Variants in PPWD1 observed in about 807,000 individuals in gnomAD.
PPWD1 encodes the protein peptidylprolyl isomerase domain and WD repeat containing 1, also known as peptidylprolyl isomerase domain and WD repeat-containing protein 1.
Under a neutral mutation model 68.8 loss-of-function variants are expected in PPWD1, and 43 were observed. That is an observed-to-expected ratio of 0.62 (90% CI 0.49 to 0.81). The LOEUF (loss-of-function observed/expected upper bound fraction) is 0.81, where lower values mean the gene tolerates loss of function less well. Among genes scored for constraint, PPWD1 ranks in the 30% least tolerant of loss-of-function variants. PPWD1 has a pLI of 0.00. For synonymous variants in PPWD1, 232 were observed against 258.7 expected (o/e 0.90, Z 0.99); for missense variants, 672 against 804.8 (o/e 0.83, Z 2.00).
chr5:65,564,085 C>A, intron 1 of PPWD1: 3 of 524,160 alleles, frequency 5.7e-6, no homozygotes, highest in Middle Eastern at 3.9e-4. Context: ...GCTCTTGATA[C>A]GATGGGCTGA....
intron 7 of PPWD1, chr5:65,582,511 T>G (rs1318142106): frequency 6.5e-6 from 1 of 152,766 alleles, no homozygotes; most frequent in Non-Finnish European, 1.5e-5. Context: ...CCTCTATGTA[T>G]TAGGCACTGT....
At chr5:65,566,033 T>G (rs1174522623) in intron 1 of PPWD1, among the ~76,000 whole-genome samples, 2 of 152,182 alleles carry the variant, frequency 1.3e-5, no homozygotes, top group Non-Finnish European at 2.9e-5. Context: ...GCACTATATC[T>G]CTTCAGGACA....
intron 4 of PPWD1, among the ~76,000 whole-genome samples, chr5:65,570,734 GAGGAAGAAGGAAGGGAGA>G (rs1752973929): frequency 6.6e-6 from 1 of 152,012 alleles, no homozygotes; most frequent in African/African-American, 2.4e-5. Flanking sequence ...CCCATGGTTG[GAGGAAGAAGGAAGGGAGA>G]GGGAAGAAGG....
chr5:65,579,561 A>G lies in PPWD1; in HGVS notation c.1298A>G (p.Gln433Arg). 6.2e-7 allele frequency: 1 copy of G among 1,608,234 alleles called. No homozygotes were observed. The highest frequency in any genetic ancestry group is 2.2e-5 in the East Asian group (1 of 44,490). The change falls in exon 7 of 11, where the codon CAA becomes CGA. Residue 433 changes from glutamine to arginine, a missense_variant. Transcript: ENST00000261308. The part of the protein sequence containing the change: ...ASENPVLQNI[Q>R]ADPTIVCTSF... Reference sequence around the variant, plus strand: ...GAAAATCCTGTTCTTCAGAATATTCAAGCTGACCCAACAATAGTCTGTACA... The same window carrying G: ...GAAAATCCTGTTCTTCAGAATATTCGAGCTGACCCAACAATAGTCTGTACA...
At chr5:65,566,116 C>G (rs1282196544) in intron 1 of PPWD1, among the ~76,000 whole-genome samples, 2 of 152,178 alleles carry the variant, frequency 1.3e-5, no homozygotes, top group Non-Finnish European at 2.9e-5. Flanking sequence ...TATTTGTCCA[C>G]AAGTGAACTA....
At chr5:65,567,654 A>T in intron 2 of PPWD1, 39 bp downstream of exon 2, 2 of 1,436,622 alleles carry the variant, frequency 1.4e-6, no homozygotes, top group Non-Finnish European at 9.2e-7. Context: ...TTCTGAGTTT[A>T]TTTAAAAAAA....
chr5:65,566,960 GA>G (rs1752804892), intron 1 of PPWD1, among the ~76,000 whole-genome samples: 1 of 151,620 alleles, frequency 6.6e-6, no homozygotes, highest in South Asian at 2.1e-4. Flanking sequence ...CATTCAACTG[GA>G]TACTCCCTAG....
Position 65,563,330 on chromosome 5 carries a change from G to A in PPWD1, c.20G>A (p.Ser7Asn). 6.2e-7 allele frequency: 1 copy of A among 1,613,608 alleles called. No individual in the cohort carries two copies. Among genetic ancestry groups the A allele is most frequent in the Non-Finnish European group, 8.5e-7 (1 of 1,179,852 alleles). The change falls in exon 1 of 11, where the codon AGC becomes AAC. Residue 7 changes from serine to asparagine, a missense_variant. Transcript: ENST00000261308. The part of the protein sequence containing the change: MAAESG[S>N]DFQQRRRRRR... ...AACAACATGGCGGCGGAAAGTGGTA[G>A]CGATTTTCAGCAGAGACGTAGAAGG...
intron 8 of PPWD1, among the ~76,000 whole-genome samples, chr5:65,584,728 A>AT (rs961417545): frequency 4.6e-5 from 7 of 151,884 alleles, no homozygotes; most frequent in South Asian, 4.2e-4. Flanking sequence ...CTATGGCTGT[A>AT]TTTTTTTTGA....
At chr5:65,572,866 C>G (rs933523420) in intron 5 of PPWD1, among the ~76,000 whole-genome samples, 1 of 152,194 alleles carries the variant, frequency 6.6e-6, no homozygotes, top group Non-Finnish European at 1.5e-5. Flanking sequence ...AGTTCATGCT[C>G]TTTTGCCTGA....
intron 5 of PPWD1, 116 bp downstream of exon 5, chr5:65,572,402 T>C: frequency 9.2e-7 from 1 of 1,082,600 alleles, no homozygotes; most frequent in Non-Finnish European, 1.3e-6. Context: ...TATTTTTTTC[T>C]TAGCACATTA....
chr5:65,572,357 G>T, intron 5 of PPWD1, 71 bp downstream of exon 5: 1 of 1,390,938 alleles, frequency 7.2e-7, no homozygotes, highest in Non-Finnish European at 9.7e-7. Flanking sequence ...TTTCTTGAAA[G>T]ATCTTTTTTC....
Position 65,585,982 on chromosome 5 carries a change from G to A in PPWD1, c.1615-17G>A. 6.2e-7 allele frequency: 1 copy of A among 1,609,022 alleles called. No individual in the cohort carries two copies. The highest frequency in any genetic ancestry group is 2.2e-5 in the East Asian group (1 of 44,846). On this transcript the variant is annotated splice_polypyrimidine_tract_variant and intron_variant, in intron 9 of 10. Coordinates refer to ENST00000261308, the MANE Select transcript of PPWD1 (RefSeq NM_015342.4). Reference sequence around the variant, plus strand: ...TCGAAAAGGACAATGTAATGTTTTTGTGTACTTTCTGTTAAGGGCTTTATG... The same window carrying A: ...TCGAAAAGGACAATGTAATGTTTTTATGTACTTTCTGTTAAGGGCTTTATG...
Position 65,565,689 on chromosome 5 carries a change from T to C in PPWD1, c.197-1824T>C, listed in dbSNP as rs149803979. ...CGGGCGTGGTGGCGCACACCTATAA[T>C]CTCAGCTATTCAGGAGGCTGAGGCA... On this transcript the variant is annotated intron_variant, in intron 1 of 10. Transcript: ENST00000261308. Among the ~76,000 whole-genome samples, 276 of 151,610 alleles carry C rather than the reference T, an allele frequency of 1.8e-3. 2 individuals carry two copies. Among genetic ancestry groups the C allele is most frequent in the African/African-American group, 6.3e-3 (259 of 41,326 alleles).
intron 1 of PPWD1, among the ~76,000 whole-genome samples, chr5:65,567,264 C>T (rs1476541874): frequency 1.3e-5 from 2 of 151,490 alleles, no homozygotes; most frequent in African/African-American, 2.4e-5. Flanking sequence ...GTCCTGGGGA[C>T]AGTTAGCATG....
intron 9 of PPWD1, 128 bp from the exon 10 acceptor site, chr5:65,585,871 T>C (rs1753820420): frequency 2.1e-6 from 3 of 1,398,524 alleles, no homozygotes; most frequent in South Asian, 3.1e-5. Flanking sequence ...GTTAAGGGTT[T>C]AATCAAATCA....
rs747682624 is a variant in PPWD1 at position 65,585,016 on chromosome 5, G to A, written c.1535G>A (p.Cys512Tyr). The A allele has an allele frequency of 1.3e-5, 21 of 1,610,366 alleles. No homozygotes were observed. The highest frequency in any genetic ancestry group is 1.8e-5 in the Non-Finnish European group (21 of 1,177,064). ...DIHTKLFPVE[C>Y]PKTVENFCVH... ...ATTTGTAACATATGTCTTAATAGGT[G>A]CCCTAAGACAGTGGAAAACTTCTGT... Residue 512 changes from cysteine to tyrosine, a missense_variant and splice_region_variant, in exon 9 of 11, where the codon TGC (cysteine) becomes TAC (tyrosine). Physicochemically the swap from Cys to Tyr is radical, Grantham distance 194. Around this residue, in one of 2 missense-constraint regions of PPWD1, gnomAD observed 484 missense variants for 646.2 expected, o/e 0.75. Transcript: ENST00000261308.
At position 65,567,570 on chromosome 5, in the gene PPWD1, G is replaced by A. The variant is rs564146331; in HGVS notation, c.254G>A (p.Arg85His). The change falls in exon 2 of 11, where the codon CGC becomes CAC. Residue 85 changes from arginine (R) to histidine (H), a missense_variant. By Grantham distance (29) the Arg-to-His change is conservative. Coordinates refer to ENST00000261308, the MANE Select transcript of PPWD1 (RefSeq NM_015342.4). The part of the protein sequence containing the change: ...DNLPSASMYE[R>H]SYMHRDVITH... ...CTCCCCAGTGCATCCATGTATGAGC[G>A]CAGTTACATGCATAGAGATGTTATC... 3.0e-5 allele frequency: 49 copies of A among 1,611,372 alleles called. No individual in the cohort carries two copies. The South Asian group carries it at 4.5e-4, about 15-fold the overall frequency.
chr5:65,565,851 A>G (rs536584473), intron 1 of PPWD1, among the ~76,000 whole-genome samples: 1 of 152,182 alleles, frequency 6.6e-6, no homozygotes, highest in African/African-American at 2.4e-5. Context: ...CAGTTTGAAG[A>G]AAAAAATTGA....
Sources: gnomAD v4.1 joint callset for allele counts (sites outside exome capture counted in the v4.1 genomes callset) on GRCh38, gnomAD v4.1.1 for gene constraint, gnomAD v4.1.1 regional missense constraint, MANE v1.5 for transcripts, NCBI Gene and HGNC (gene_info 2026-07-23, HGNC 2026-07-21) for gene names.